Variants in RORA observed in about 807,000 individuals in gnomAD.
The protein encoded by RORA is nuclear receptor ROR-alpha.
RORA carries 7 observed loss-of-function variants against 69.5 expected under a neutral mutation model. The observed-to-expected ratio is 0.10, with a 90% CI of 0.06 to 0.19. The LOEUF (loss-of-function observed/expected upper bound fraction) is 0.19. Ranked by LOEUF, RORA falls within the 10% of genes least tolerant of loss-of-function variation. The probability of loss-of-function intolerance (pLI) is 1.00; values close to 1 mark genes in which losing one functional copy is unlikely to be tolerated. For missense variants in RORA, 457 were observed against 663.0 expected (o/e 0.69, Z 3.41); for synonymous variants, 261 against 240.8 (o/e 1.08, Z -0.78).
chr15:60,863,360 C>T (rs928862354), intron 1 of RORA, among the ~76,000 whole-genome samples: 1 of 152,140 alleles, frequency 6.6e-6, no homozygotes, highest in Non-Finnish European at 1.5e-5. Context: ...AAATTCATTC[C>T]CGAAGACATA....
At chr15:61,174,635 C>T (rs1157056789) in intron 1 of RORA, among the ~76,000 whole-genome samples, 2 of 152,192 alleles carry the variant, frequency 1.3e-5, no homozygotes, top group African/African-American at 4.8e-5. Flanking sequence ...TCATCCTTAT[C>T]AACCGCTCTC....
intron 1 of RORA, among the ~76,000 whole-genome samples, chr15:60,680,860 C>T (rs1169656214): frequency 6.6e-6 from 1 of 152,122 alleles, no homozygotes; most frequent in African/African-American, 2.4e-5. Flanking sequence ...TTAATAAACA[C>T]ATTTTTATGG....
Position 61,100,360 on chromosome 15 carries a change from T to C in RORA, c.166+128693A>G, listed in dbSNP as rs190471644. Among the ~76,000 whole-genome samples the C allele has an allele frequency of 2.3e-3, 351 of 152,306 alleles. 1 individual carries two copies. The highest frequency in any genetic ancestry group is 8.0e-3 in the African/African-American group (332 of 41,566). On this transcript the variant is annotated intron_variant, in intron 1 of 10. Transcript: ENST00000335670. ...GTCTTGAACTCCTGACCTCAGATGA[T>C]CTACCCTCTTTGGCCTCCCAAAGTA...
chr15:60,514,352 A>G (rs189547985), intron 4 of RORA, among the ~76,000 whole-genome samples: 2 of 152,274 alleles, frequency 1.3e-5, no homozygotes, highest in Non-Finnish European at 2.9e-5. Flanking sequence ...AATATCAAAA[A>G]TCTGAAGGTG....
chr15:60,734,194 A>G (rs1476874102), intron 1 of RORA, among the ~76,000 whole-genome samples: 1 of 152,174 alleles, frequency 6.6e-6, no homozygotes, highest in Non-Finnish European at 1.5e-5. Context: ...GTGTTCTCCA[A>G]CTGAGGTCTT....
chr15:61,023,203 A>AC (rs1275771978), intron 1 of RORA, among the ~76,000 whole-genome samples: 3 of 145,982 alleles, frequency 2.1e-5, no homozygotes, highest in Non-Finnish European at 4.5e-5. Context: ...AAAAAAAAAA[A>AC]AAAAAAAACT....
intron 1 of RORA, among the ~76,000 whole-genome samples, chr15:61,080,921 T>C (rs763391790): frequency 2.0e-5 from 3 of 152,210 alleles, no homozygotes; most frequent in South Asian, 2.1e-4. Context: ...AAGGATGGGA[T>C]TGCAGCTTCT....
chr15:60,594,345 T>TA (rs1316326287), intron 2 of RORA, among the ~76,000 whole-genome samples: 1 of 152,214 alleles, frequency 6.6e-6, no homozygotes, highest in African/African-American at 2.4e-5. Context: ...TGATTTCCCT[T>TA]GTGCTAACGA....
intron 1 of RORA, among the ~76,000 whole-genome samples, chr15:61,080,179 C>A (rs1244604164): frequency 6.6e-6 from 1 of 152,158 alleles, no homozygotes; most frequent in African/African-American, 2.4e-5. Context: ...TGGTTGCCAA[C>A]TCCCCACTTC....
At chr15:60,527,362 C>T (rs1292094391) in intron 3 of RORA, among the ~76,000 whole-genome samples, 2 of 152,210 alleles carry the variant, frequency 1.3e-5, no homozygotes, top group Non-Finnish European at 2.9e-5. Context: ...CAAAAGCAAA[C>T]CTTAACCAAT....
At chr15:60,677,349 C>A (rs1462698462) in intron 2 of RORA, 2 of 399,818 alleles carry the variant, frequency 5.0e-6, no homozygotes, top group South Asian at 1.8e-5. Flanking sequence ...AAACAACCCC[C>A]AAAAAGCTAA....
intron 1 of RORA, among the ~76,000 whole-genome samples, chr15:60,843,543 G>A (rs1271857647): frequency 3.3e-5 from 5 of 152,162 alleles, no homozygotes; most frequent in African/African-American, 1.2e-4. Flanking sequence ...ACGTGTCATG[G>A]TCAAATGTCC....
At chr15:60,550,669 G>A (rs1595958692) in intron 2 of RORA, among the ~76,000 whole-genome samples, 1 of 152,108 alleles carries the variant, frequency 6.6e-6, no homozygotes. Flanking sequence ...AAGGACACTA[G>A]GAGAAAGACA....
chr15:61,025,568 A>G (rs943987901), intron 1 of RORA, among the ~76,000 whole-genome samples: 7 of 152,206 alleles, frequency 4.6e-5, no homozygotes, highest in African/African-American at 9.7e-5. Context: ...AAGAGAATAT[A>G]AGGGTGAACA....
At chr15:61,049,322 A>G (rs894809414) in intron 1 of RORA, among the ~76,000 whole-genome samples, 79 of 152,136 alleles carry the variant, frequency 5.2e-4, no homozygotes, top group Non-Finnish European at 9.8e-4. Flanking sequence ...CCCGTCTAAC[A>G]TCCTCCCATT....
intron 1 of RORA, among the ~76,000 whole-genome samples, chr15:61,032,376 A>G (rs1429291676): frequency 6.6e-6 from 1 of 152,244 alleles, no homozygotes; most frequent in Non-Finnish European, 1.5e-5. Context: ...TGGGCATGAG[A>G]CTGAGTCATA....
rs546104455 is a variant in RORA at position 60,818,629 on chromosome 15, A to G, written c.167-139943T>C. 2.6e-5 allele frequency among the ~76,000 whole-genome samples: 4 copies of G among 152,362 alleles called. No individual in the cohort carries two copies. In the East Asian group the frequency reaches 7.7e-4, roughly 29 times the overall value. On this transcript the variant is annotated intron_variant, in intron 1 of 10. Transcript: ENST00000335670. ...TTGGGATGCAGAAGAGAAAGGCAGTAATTAATAACTAAGAAGAAAAAGAAA... is the reference window on the plus strand; with the variant it reads ...TTGGGATGCAGAAGAGAAAGGCAGTGATTAATAACTAAGAAGAAAAAGAAA...
intron 2 of RORA, among the ~76,000 whole-genome samples, chr15:60,618,453 A>G (rs2069314739): frequency 6.6e-6 from 1 of 152,240 alleles, no homozygotes; most frequent in Non-Finnish European, 1.5e-5. Flanking sequence ...GGCACACAGC[A>G]GTGCCCCAAA....
chr15:60,904,449 G>C (rs1487793892), intron 1 of RORA, among the ~76,000 whole-genome samples: 1 of 152,190 alleles, frequency 6.6e-6, no homozygotes. Context: ...TCAGGAGACA[G>C]GGATGGAAAA....
Sources: gnomAD v4.1 joint callset for allele counts (sites outside exome capture counted in the v4.1 genomes callset) on GRCh38, gnomAD v4.1.1 for gene constraint, MANE v1.5 for transcripts, NCBI Gene and HGNC (gene_info 2026-07-23, HGNC 2026-07-21) for gene names.